The following PAK5 variants were observed in gnomAD, a reference collection of about 807,000 sequenced individuals.
PAK5 encodes the protein serine/threonine-protein kinase PAK 5.
A neutral mutation model predicts 65.9 loss-of-function variants in PAK5; 16 were observed. The ratio of observed to expected loss-of-function variants is 0.24; its 90% CI spans 0.16 to 0.37. The LOEUF (loss-of-function observed/expected upper bound fraction) is 0.37. Ranked by LOEUF, PAK5 falls within the 10% of genes least tolerant of loss-of-function variation. The pLI is 1.00. For synonymous variants in PAK5, 371 were observed against 354.9 expected (o/e 1.05, Z -0.51); for missense variants, 785 against 903.9 (o/e 0.87, Z 1.69).
chr20:9,815,420 G>A (rs117797815), intron 1 of PAK5, among the ~76,000 whole-genome samples: 304 of 152,246 alleles, frequency 2.0e-3, no homozygotes, highest in Non-Finnish European at 3.1e-3. Context: ...TTAGGCCTCA[G>A]TTGACATTAC....
rs1011746692 is a variant in PAK5 at position 9,537,685 on chromosome 20, C to T, written c.*1777G>A. 1.4e-5 allele frequency: 3 copies of T among 219,704 alleles called. No individual in the cohort carries two copies. Among genetic ancestry groups the T allele is most frequent in the African/African-American group, 4.5e-5 (2 of 44,474 alleles). The allele number at this position is 219,704 out of a possible 1,614,324, so 13.6% of individuals were successfully genotyped here. ...AAATTAATACAATCTGTCTCATGAA[C>T]ATTTAGGACTGCCATTTTCTGGATT... On this transcript the variant is annotated 3_prime_UTR_variant, in exon 10 of 10. Coordinates refer to ENST00000353224, the MANE Select transcript of PAK5 (RefSeq NM_177990.4).
chr20:9,683,445 A>C (rs2047676682), intron 2 of PAK5, among the ~76,000 whole-genome samples: 1 of 152,210 alleles, frequency 6.6e-6, no homozygotes, highest in Non-Finnish European at 1.5e-5. Context: ...AGGTAAATAC[A>C]ACTCCTTATG....
At chr20:9,686,827 T>G (rs2047725869) in intron 2 of PAK5, among the ~76,000 whole-genome samples, 2 of 152,178 alleles carry the variant, frequency 1.3e-5, no homozygotes, top group Admixed American at 1.3e-4. Flanking sequence ...ATGCAGATCC[T>G]GAGGCAAGCA....
intron 1 of PAK5, among the ~76,000 whole-genome samples, chr20:9,763,371 G>GTGTATAA (rs2048721736): frequency 6.6e-6 from 1 of 152,034 alleles, no homozygotes; most frequent in Non-Finnish European, 1.5e-5. Flanking sequence ...TGGCTTCACA[G>GTGTATAA]GTGTATACTT....
chr20:9,617,549 CTTTTTT>C (rs532259417), intron 3 of PAK5, among the ~76,000 whole-genome samples: 5 of 94,614 alleles, frequency 5.3e-5, no homozygotes, highest in Middle Eastern at 0.01. Context: ...AATCCCAATC[CTTTTTT>C]TTTTTTTTTT....
rs187836905 is a variant in PAK5, at chr20:9,809,743, T to C, written c.-162+29019A>G. On this transcript the variant is annotated intron_variant, in intron 1 of 9. Transcript: ENST00000353224. The stretch of plus-strand genomic sequence containing the variant: ...TATTTACAATTTCATTTAAACCAAC[T>C]TTATATTGACTCATAGCTGTCACTG... 3.0e-4 allele frequency among the ~76,000 whole-genome samples: 45 copies of C among 152,322 alleles called. No individual in the cohort carries two copies. In the East Asian group the frequency reaches 7.5e-3, roughly 25 times the overall value.
chr20:9,678,116 A>G (rs1472291840), intron 2 of PAK5, among the ~76,000 whole-genome samples: 1 of 152,058 alleles, frequency 6.6e-6, no homozygotes, highest in Non-Finnish European at 1.5e-5. Flanking sequence ...AACAAGACTC[A>G]TTTTTTCCAA....
At chr20:9,693,984 A>C (rs1172979328) in intron 2 of PAK5, among the ~76,000 whole-genome samples, 2 of 150,644 alleles carry the variant, frequency 1.3e-5, no homozygotes, top group African/African-American at 5.0e-5. Flanking sequence ...GCCTATCATC[A>C]AGGTCCTTTT....
chr20:9,770,575 A>T (rs1356814514), intron 1 of PAK5, among the ~76,000 whole-genome samples: 2 of 152,134 alleles, frequency 1.3e-5, no homozygotes, highest in Admixed American at 1.3e-4. Flanking sequence ...GGGCATGAAG[A>T]GTTGAATGTA....
intron 1 of PAK5, among the ~76,000 whole-genome samples, chr20:9,818,222 G>A (rs1272631345): frequency 6.6e-6 from 1 of 152,108 alleles, no homozygotes; most frequent in African/African-American, 2.4e-5. Context: ...CCTCAGGTAT[G>A]TCTGATCATG....
chr20:9,809,113 C>A (rs1340263694), intron 1 of PAK5, among the ~76,000 whole-genome samples: 1 of 151,914 alleles, frequency 6.6e-6, no homozygotes, highest in South Asian at 2.1e-4. Context: ...GGTGCCCTTG[C>A]CAGTGTGGGA....
intron 2 of PAK5, among the ~76,000 whole-genome samples, chr20:9,654,559 CAGT>C (rs2047242192): frequency 6.6e-6 from 1 of 152,074 alleles, no homozygotes; most frequent in Non-Finnish European, 1.5e-5. Flanking sequence ...CCCTCCCAAG[CAGT>C]TTTCCACCCT....
intron 1 of PAK5, among the ~76,000 whole-genome samples, chr20:9,721,730 T>C (rs1400401740): frequency 6.6e-6 from 1 of 151,512 alleles, no homozygotes; most frequent in Non-Finnish European, 1.5e-5. Flanking sequence ...CATTCATAGT[T>C]TTTGTGTGTG....
At chr20:9,674,953 T>G (rs573039308) in intron 2 of PAK5, among the ~76,000 whole-genome samples, 1 of 152,276 alleles carries the variant, frequency 6.6e-6, no homozygotes, top group South Asian at 2.1e-4. Flanking sequence ...CTGCAGGTCA[T>G]TAGTAGTCAG....
chr20:9,543,566 C>G (rs571231730), intron 8 of PAK5, among the ~76,000 whole-genome samples: 13 of 152,272 alleles, frequency 8.5e-5, no homozygotes, highest in Middle Eastern at 3.4e-3. Flanking sequence ...GAGAAAGATT[C>G]TGCCTTAACT....
chr20:9,565,949 C>T lies in PAK5; in HGVS notation c.1426G>A (p.Ala476Thr). ...ATEKHTGKQV[A>T]VKKMDLRKQQ... The stretch of plus-strand genomic sequence containing the variant: ...TTCCGGAGGTCCATTTTCTTCACTG[C>T]AACTTGTTTCCCTGTGTGTTTCTCG... Residue 476 changes from alanine (A) to threonine (T), a missense_variant, in exon 5 of 10, where the codon GCA becomes ACA. Physicochemically the swap from Ala to Thr is moderately conservative, Grantham distance 58. Transcript: ENST00000353224. 6.2e-7 allele frequency: 1 copy of T among 1,613,748 alleles called. No individual in the cohort carries two copies. The highest frequency in any genetic ancestry group is 2.2e-5 in the East Asian group (1 of 44,860).
In PAK5 at chr20:9,580,361, T is replaced by A. The variant is rs560649116; in HGVS notation, c.774A>T (p.Gly258=). 100 of 1,613,966 alleles carry A rather than the reference T, an allele frequency of 6.2e-5. No individual in the cohort carries two copies. The South Asian group carries it at 6.9e-4, about 11-fold the overall frequency. Residue 258 remains glycine, a synonymous_variant, in exon 4 of 10, where the codon GGA becomes GGT. Transcript: ENST00000353224. ...ESLAYSESEW[G]PSLDDYDRRP... is the part of the protein sequence containing the mutation. ...TCCTGTCATAGTCATCCAGGCTGGG[T>A]CCCCATTCACTTTCACTGTACGCCA...
intron 2 of PAK5, among the ~76,000 whole-genome samples, chr20:9,657,394 T>C (rs1160609118): frequency 6.6e-6 from 1 of 152,142 alleles, no homozygotes; most frequent in Non-Finnish European, 1.5e-5. Flanking sequence ...AACCACTCAC[T>C]CATTGAGGGA....
rs796188470 is a variant in PAK5, at chr20:9,645,629, G to A, written c.-11-1290C>T. On this transcript the variant is annotated intron_variant, in intron 2 of 9. Coordinates refer to ENST00000353224, the MANE Select transcript of PAK5 (RefSeq NM_177990.4). The stretch of plus-strand genomic sequence containing the variant: ...AGACAGAGTATCGCTCTGTTGCCCA[G>A]GCTGGAGCGCAGTGGTGCAATCTCA... Among the ~76,000 whole-genome samples, 9 of 151,434 alleles carry A rather than the reference G, an allele frequency of 5.9e-5. No homozygotes were observed. In the East Asian group the frequency reaches 1.4e-3, roughly 23 times the overall value.
Sources: allele counts gnomAD v4.1 joint callset (sites outside exome capture counted in the v4.1 genomes callset), GRCh38; gene constraint gnomAD v4.1.1; transcripts MANE v1.5; gene names NCBI Gene and HGNC (gene_info 2026-07-23, HGNC 2026-07-21).